SLCO3A1: variants seen among roughly 807,000 people sequenced by gnomAD.
The protein encoded by SLCO3A1 is PGE1 transporter.
Under a neutral mutation model 63.1 loss-of-function variants are expected in SLCO3A1, and 27 were observed. The ratio of observed to expected loss-of-function variants is 0.43; its 90% CI spans 0.32 to 0.59. SLCO3A1 has a LOEUF of 0.59. Among genes scored for constraint, SLCO3A1 ranks in the 20% least tolerant of loss-of-function variants. The pLI is 0.09. For missense variants in SLCO3A1, 773 were observed against 945.8 expected (o/e 0.82, Z 2.40); for synonymous variants, 473 against 409.9 (o/e 1.15, Z -1.86).
chr15:92,101,932 GT>G (rs1186024565), intron 3 of SLCO3A1, among the ~76,000 whole-genome samples: 9 of 152,072 alleles, frequency 5.9e-5, no homozygotes, highest in African/African-American at 2.2e-4. Context: ...AAGTTGACAC[GT>G]TCACACAAAC....
Position 91,946,071 on chromosome 15 carries a change from AT to A in SLCO3A1, c.646+29614del, listed in dbSNP as rs1247029934. On this transcript the variant is annotated intron_variant, in intron 2 of 9. Coordinates refer to ENST00000318445, the MANE Select transcript of SLCO3A1 (RefSeq NM_013272.4). ...TAGCGAAGTAAAAGCATCAGGCATG[AT>A]CCTGCACTAGTTTGTGGGCATGGAT... is the stretch of plus-strand genomic sequence containing the variant. 5.3e-5 allele frequency among the ~76,000 whole-genome samples: 8 copies of A among 152,228 alleles called. 1 individual carries two copies. The highest frequency in any genetic ancestry group is 5.2e-4 in the Admixed American group (8 of 15,286).
downstream of SLCO3A1, among the ~76,000 whole-genome samples, chr15:92,166,107 C>A (rs1417317136): frequency 1.3e-5 from 2 of 152,096 alleles, no homozygotes; most frequent in Non-Finnish European, 2.9e-5. Context: ...ATGAAGTAAG[C>A]ACATTTTGCA....
In SLCO3A1 at chr15:91,882,427, CAAT is replaced by C. The variant is rs150748351; in HGVS notation, c.180+28340_180+28342del. On this transcript the variant is annotated intron_variant, in intron 1 of 9. Transcript: ENST00000318445. The surrounding 1 kb of genome is among the most constrained non-coding windows in gnomAD (Gnocchi z 4.4). Reference sequence around the variant, plus strand: ...TTTGGTAAATATTTACTAAATGAATCAATGAATGATCAAACAGAGGGACATGAA... The same window carrying C: ...TTTGGTAAATATTTACTAAATGAATCGAATGATCAAACAGAGGGACATGAA... Among the ~76,000 whole-genome samples, 993 of 152,296 alleles carry C rather than the reference CAAT, an allele frequency of 6.5e-3. 9 individuals are homozygous for C. The highest frequency in any genetic ancestry group is 0.012 in the Non-Finnish European group (796 of 68,028).
chr15:91,889,299 T>C (rs1475705794), intron 1 of SLCO3A1: 4 of 486,402 alleles, frequency 8.2e-6, no homozygotes, highest in African/African-American at 7.9e-5. Context: ...ATAGCACCTG[T>C]AGGCCTCTGC....
At chr15:91,996,622 A>T (rs962733000) in intron 2 of SLCO3A1, among the ~76,000 whole-genome samples, 3 of 152,184 alleles carry the variant, frequency 2.0e-5, no homozygotes, top group African/African-American at 4.8e-5. Flanking sequence ...TAATTAATAC[A>T]TGTGGTATTG....
At chr15:92,043,795 C>A (rs947841008) in intron 2 of SLCO3A1, among the ~76,000 whole-genome samples, 1 of 152,190 alleles carries the variant, frequency 6.6e-6, no homozygotes, top group Non-Finnish European at 1.5e-5. Context: ...TCAGTTCTTA[C>A]TCAGAACCCC....
chr15:92,001,311 T>C (rs1332860641), intron 2 of SLCO3A1, among the ~76,000 whole-genome samples: 1 of 152,166 alleles, frequency 6.6e-6, no homozygotes, highest in Non-Finnish European at 1.5e-5. Context: ...GGGCAAGGCA[T>C]CCAGCTTAGG....
chr15:91,901,062 CT>C (rs1165413855), intron 1 of SLCO3A1, among the ~76,000 whole-genome samples: 3 of 151,868 alleles, frequency 2.0e-5, no homozygotes, highest in Middle Eastern at 3.2e-3. Context: ...TATGTCTCAT[CT>C]TTTTTTTGTT....
intron 2 of SLCO3A1, among the ~76,000 whole-genome samples, chr15:92,020,710 G>A (rs1356220029): frequency 6.6e-6 from 1 of 152,214 alleles, no homozygotes; most frequent in African/African-American, 2.4e-5. Context: ...AGTGCCATGA[G>A]GCTAGCTGGC....
At chr15:92,080,938 C>CTGTGTGTGTGTGTGTG (rs542459686) in intron 2 of SLCO3A1, among the ~76,000 whole-genome samples, 8 of 128,896 alleles carry the variant, frequency 6.2e-5, no homozygotes, top group Middle Eastern at 3.5e-3. Context: ...TACATAGTAG[C>CTGTGTGTGTGTGTGTG]TGTGTGTGTG....
In SLCO3A1 at chr15:91,935,931, T is replaced by C. The variant is rs1362306906; in HGVS notation, c.646+19473T>C. 5.3e-5 allele frequency among the ~76,000 whole-genome samples: 8 copies of C among 152,132 alleles called. No individual in the cohort carries two copies. In the East Asian group the frequency reaches 1.5e-3, roughly 29 times the overall value. On this transcript the variant is annotated intron_variant, in intron 2 of 9. Transcript: ENST00000318445. ...TAAGAGGAAATATAAGACCTAATTA[T>C]TAAAGTTTGCACAGCTTATCATGGA...
intron 2 of SLCO3A1, among the ~76,000 whole-genome samples, chr15:92,008,845 C>A (rs570053688): frequency 1.2e-3 from 176 of 152,276 alleles, no homozygotes; most frequent in African/African-American, 4.1e-3. Flanking sequence ...AAAAGCAAAT[C>A]TGCTTTGGAT....
chr15:92,096,551 C>T (rs966500119), intron 3 of SLCO3A1, among the ~76,000 whole-genome samples: 43 of 152,178 alleles, frequency 2.8e-4, no homozygotes, highest in Admixed American at 2.1e-3. Context: ...TTTCCTTTCT[C>T]TCTGAAAACA....
At chr15:91,855,225 C>T (rs1943245122) in intron 1 of SLCO3A1, among the ~76,000 whole-genome samples, 1 of 152,122 alleles carries the variant, frequency 6.6e-6, no homozygotes, top group African/African-American at 2.4e-5. Flanking sequence ...TCATTCCTGG[C>T]CTTGGGGTAA....
chr15:91,907,281 A>G (rs983372696), intron 1 of SLCO3A1, among the ~76,000 whole-genome samples: 2 of 151,956 alleles, frequency 1.3e-5, no homozygotes, highest in Admixed American at 6.5e-5. Context: ...ATCTCAGCTC[A>G]CTGCACCTCT....
At chr15:92,135,186 G>A (rs1400013936) in intron 7 of SLCO3A1, among the ~76,000 whole-genome samples, 1 of 152,096 alleles carries the variant, frequency 6.6e-6, no homozygotes, top group Non-Finnish European at 1.5e-5. Context: ...GAGATGGAGG[G>A]GCCCTGTGTT....
At chr15:91,921,502 T>C (rs1338449583) in intron 2 of SLCO3A1, among the ~76,000 whole-genome samples, 1 of 152,202 alleles carries the variant, frequency 6.6e-6, no homozygotes, top group African/African-American at 2.4e-5. Flanking sequence ...TAAGGAGCTG[T>C]ATTGTAATTT....
Position 92,047,522 on chromosome 15 carries a change from A to ATAAATATAT in SLCO3A1, c.647-47359_647-47358insTAAATATAT, listed in dbSNP as rs1567087769. Among the ~76,000 whole-genome samples, 57 of 27,700 alleles carry ATAAATATAT rather than the reference A, an allele frequency of 2.1e-3. 2 individuals carry two copies. The highest frequency in any genetic ancestry group is 2.4e-3 in the Admixed American group (2 of 832). 18.2% of individuals were successfully genotyped at this position (27,700 alleles called of 152,430 possible). A position where few individuals can be genotyped will look rare whatever the true frequency, so the allele number is the denominator to read the frequency against. On this transcript the variant is annotated intron_variant, in intron 2 of 9. Transcript: ENST00000318445. ...ATATATAAATATATATAAATACATA[A>ATAAATATAT]ATAAATATATAAATATATATAATAT...
chr15:92,030,696 C>G (rs963064833), intron 2 of SLCO3A1, among the ~76,000 whole-genome samples: 6 of 152,276 alleles, frequency 3.9e-5, no homozygotes, highest in African/African-American at 1.4e-4. Context: ...GCAACATGCT[C>G]TAGGTCCCAC....
Sources: gnomAD v4.1 joint callset for allele counts (sites outside exome capture counted in the v4.1 genomes callset) on GRCh38, gnomAD v4.1.1 for gene constraint, Gnocchi (gnomAD v3.1) non-coding constraint, MANE v1.5 for transcripts, NCBI Gene and HGNC (gene_info 2026-07-23, HGNC 2026-07-21) for gene names.